The following ELMO1 variants were observed in gnomAD, a reference collection of about 807,000 sequenced individuals.
ELMO1 encodes the protein engulfment and cell motility protein 1.
ELMO1 carries 26 observed loss-of-function variants against 98.9 expected under a neutral mutation model. The observed-to-expected ratio is 0.26, with a 90% CI of 0.19 to 0.36. The LOEUF (loss-of-function observed/expected upper bound fraction) is 0.36. ELMO1 is among the 10% of genes least tolerant of loss of function. The pLI is 1.00. For synonymous variants in ELMO1, 346 were observed against 346.0 expected (o/e 1.00, Z 0.00); for missense variants, 627 against 935.2 (o/e 0.67, Z 4.30).
chr7:36,877,919 C>T (rs1402261019), intron 19 of ELMO1, 91 bp downstream of exon 19: 9 of 1,009,030 alleles, frequency 8.9e-6, no homozygotes, highest in Non-Finnish European at 1.1e-5. Flanking sequence ...AAAGGGCTTA[C>T]TTAGGCTGAT....
At chr7:36,887,941 A>G (rs1805181177) in intron 17 of ELMO1, among the ~76,000 whole-genome samples, 1 of 152,166 alleles carries the variant, frequency 6.6e-6, no homozygotes, top group African/African-American at 2.4e-5. Flanking sequence ...GTGTCCTGAA[A>G]ATTTTCTTCT....
intron 1 of ELMO1, among the ~76,000 whole-genome samples, chr7:37,374,065 A>G (rs934414228): frequency 2.0e-5 from 3 of 152,238 alleles, no homozygotes; most frequent in African/African-American, 7.2e-5. Flanking sequence ...CCAGAGAGCT[A>G]ACGTGGCTGT....
chr7:37,246,727 G>C (rs111792758), intron 6 of ELMO1, among the ~76,000 whole-genome samples: 9 of 152,120 alleles, frequency 5.9e-5, no homozygotes, highest in Middle Eastern at 3.4e-3. Context: ...TTGGCTTTGA[G>C]TTATTTTACA....
intron 4 of ELMO1, among the ~76,000 whole-genome samples, chr7:37,272,986 C>G (rs2130862873): frequency 6.6e-6 from 1 of 152,242 alleles, no homozygotes; most frequent in South Asian, 2.1e-4. Context: ...CTAAATACCC[C>G]CAAATTGGAC....
chr7:36,986,735 CAT>C (rs1791538222), intron 16 of ELMO1, among the ~76,000 whole-genome samples: 1 of 152,140 alleles, frequency 6.6e-6, no homozygotes, highest in Admixed American at 6.5e-5. Flanking sequence ...CCAGAAATGT[CAT>C]AGAACCACCT....
intron 18 of ELMO1, among the ~76,000 whole-genome samples, chr7:36,884,486 C>A (rs3778712): frequency 0.4 from 60,505 of 151,904 alleles, 12,448 homozygotes; most frequent in South Asian, 0.53. Context: ...ATTTGAAAGA[C>A]GAAGAAAGAG....
At chr7:37,420,106 GC>G (rs1383653647) in intron 1 of ELMO1, among the ~76,000 whole-genome samples, 1 of 152,152 alleles carries the variant, frequency 6.6e-6, no homozygotes, top group Non-Finnish European at 1.5e-5. Context: ...GAGAGGTAAG[GC>G]CCCTGAGTCA....
At position 37,226,786 on chromosome 7, in the gene ELMO1, T is replaced by C. The variant is rs935858425; in HGVS notation, c.550-1756A>G. Among the ~76,000 whole-genome samples the C allele has an allele frequency of 2.6e-5, 4 of 152,176 alleles. No individual in the cohort carries two copies. In the East Asian group the frequency reaches 7.7e-4, roughly 29 times the overall value. ...CCGCCTCCATCTTTATCCACTCTTT[T>C]CATTCAGCCAATATTTACTCATCAT... On this transcript the variant is annotated intron_variant, in intron 8 of 21. Coordinates refer to ENST00000310758, the MANE Select transcript of ELMO1 (RefSeq NM_014800.11).
At chr7:37,049,355 T>C (rs562772233) in intron 15 of ELMO1, among the ~76,000 whole-genome samples, 1 of 152,314 alleles carries the variant, frequency 6.6e-6, no homozygotes, top group Admixed American at 6.5e-5. Context: ...GGAAAAGCTA[T>C]TCTGCTACAG....
At chr7:36,869,040 G>C (rs1803285139) in intron 20 of ELMO1, among the ~76,000 whole-genome samples, 1 of 152,250 alleles carries the variant, frequency 6.6e-6, no homozygotes, top group Non-Finnish European at 1.5e-5. Context: ...GAAAACTGGA[G>C]ATTTGCTGCT....
At chr7:37,407,217 A>G (rs1803807317) in intron 1 of ELMO1, among the ~76,000 whole-genome samples, 1 of 152,212 alleles carries the variant, frequency 6.6e-6, no homozygotes, top group African/African-American at 2.4e-5. Context: ...CCATGAAAGA[A>G]CATGGATGAG....
intron 21 of ELMO1, among the ~76,000 whole-genome samples, chr7:36,858,407 C>T (rs1359494931): frequency 1.3e-5 from 2 of 152,096 alleles, no homozygotes; most frequent in African/African-American, 4.8e-5. Context: ...TTGATTAATC[C>T]TTTAACTACA....
At chr7:37,070,568 C>A (rs933186080) in intron 15 of ELMO1, among the ~76,000 whole-genome samples, 1 of 152,090 alleles carries the variant, frequency 6.6e-6, no homozygotes, top group Non-Finnish European at 1.5e-5. Flanking sequence ...AAATTGGAAA[C>A]CAAGATCAGC....
intron 16 of ELMO1, among the ~76,000 whole-genome samples, chr7:36,974,381 A>G (rs984462023): frequency 3.9e-5 from 6 of 151,966 alleles, no homozygotes; most frequent in African/African-American, 1.5e-4. Flanking sequence ...AAATACACCA[A>G]TCGGCACTCT....
At chr7:37,051,437 G>A (rs897391168) in intron 15 of ELMO1, among the ~76,000 whole-genome samples, 10 of 152,160 alleles carry the variant, frequency 6.6e-5, no homozygotes, top group African/African-American at 2.4e-4. Flanking sequence ...CTTAAATTAT[G>A]AGACAGTATG....
intron 14 of ELMO1, among the ~76,000 whole-genome samples, chr7:37,125,117 C>T (rs959062995): frequency 3.9e-5 from 6 of 151,998 alleles, no homozygotes; most frequent in Non-Finnish European, 8.8e-5. Context: ...CTTCCTTACA[C>T]CTTATACAAA....
At chr7:37,027,081 G>C (rs1471645440) in intron 15 of ELMO1, among the ~76,000 whole-genome samples, 1 of 152,004 alleles carries the variant, frequency 6.6e-6, no homozygotes, top group African/African-American at 2.4e-5. Context: ...CAGCACTCTG[G>C]AAGGCTCCCC....
intron 15 of ELMO1, among the ~76,000 whole-genome samples, chr7:37,034,366 C>T (rs1197416416): frequency 6.6e-6 from 1 of 152,126 alleles, no homozygotes; most frequent in Non-Finnish European, 1.5e-5. Flanking sequence ...AAACCAATGC[C>T]TTGATCTCAG....
In ELMO1 at chr7:37,131,420, G is replaced by A. The variant is rs142345037; in HGVS notation, c.1191+1710C>T. Among the ~76,000 whole-genome samples, 142 of 152,252 alleles carry A rather than the reference G, an allele frequency of 9.3e-4. 1 individual carries two copies. Among genetic ancestry groups the A allele is most frequent in the African/African-American group, 3.2e-3 (135 of 41,542 alleles). On this transcript the variant is annotated intron_variant, in intron 14 of 21. Transcript: ENST00000310758. ...TTACAATGTTTAAAGAACACATTGA[G>A]GAAAACAGGCTTAAAACATTAAATT...
Sources: allele counts gnomAD v4.1 joint callset (sites outside exome capture counted in the v4.1 genomes callset), GRCh38; gene constraint gnomAD v4.1.1; transcripts MANE v1.5; gene names NCBI Gene and HGNC (gene_info 2026-07-23, HGNC 2026-07-21).